The following AOAH variants were observed in gnomAD, a reference collection of about 807,000 sequenced individuals.
The protein encoded by AOAH is acyloxyacyl hydrolase.
In AOAH, 64 loss-of-function variants were observed where a neutral mutation model predicts 92.2. That is an observed-to-expected ratio of 0.69 (90% confidence interval 0.57 to 0.86). The LOEUF is 0.86. Among genes scored for constraint, AOAH ranks in the 40% least tolerant of loss-of-function variants. The probability of loss-of-function intolerance (pLI) is 0.00; values close to 1 mark genes in which losing one functional copy is unlikely to be tolerated. For synonymous variants in AOAH, 263 were observed against 254.5 expected (o/e 1.03, Z -0.32); for missense variants, 656 against 694.6 (o/e 0.94, Z 0.62).
chr7:36,545,375 T>C (rs1304764467), intron 15 of AOAH, among the ~76,000 whole-genome samples: 1 of 152,224 alleles, frequency 6.6e-6, no homozygotes, highest in African/African-American at 2.4e-5. Flanking sequence ...AGAATTCCTC[T>C]GAGCAGCAGG....
chr7:36,518,856 C>G (rs1393073463), intron 20 of AOAH, among the ~76,000 whole-genome samples: 1 of 152,154 alleles, frequency 6.6e-6, no homozygotes, highest in Non-Finnish European at 1.5e-5. Context: ...CTGGGCCATC[C>G]TTACACTGGC....
chr7:36,641,303 G>A (rs963816778), intron 4 of AOAH, among the ~76,000 whole-genome samples: 2 of 152,132 alleles, frequency 1.3e-5, no homozygotes, highest in African/African-American at 4.8e-5. Flanking sequence ...GGATTCACCC[G>A]GGAACTGCCA....
chr7:36,586,509 T>G (rs984186439), intron 12 of AOAH, among the ~76,000 whole-genome samples: 1 of 152,208 alleles, frequency 6.6e-6, no homozygotes, highest in African/African-American at 2.4e-5. Context: ...TTCTTTCTAC[T>G]TTCAGGGTTG....
intron 1 of AOAH, among the ~76,000 whole-genome samples, chr7:36,702,103 T>C (rs1157216474): frequency 1.3e-5 from 2 of 152,276 alleles, no homozygotes; most frequent in East Asian, 3.9e-4. Flanking sequence ...ACATTTTATA[T>C]CTATAAGTGT....
At chr7:36,592,048 A>G (rs980371922) in intron 12 of AOAH, among the ~76,000 whole-genome samples, 8 of 152,162 alleles carry the variant, frequency 5.3e-5, no homozygotes, top group Admixed American at 5.2e-4. Context: ...GGATTTATAG[A>G]GTCAATATGT....
chr7:36,641,649 C>A (rs1793930146), intron 4 of AOAH, among the ~76,000 whole-genome samples: 1 of 152,164 alleles, frequency 6.6e-6, no homozygotes, highest in Non-Finnish European at 1.5e-5. Flanking sequence ...GCCGAGCTTT[C>A]CTTTTCTGTT....
chr7:36,682,058 G>C (rs1051085194), intron 2 of AOAH, among the ~76,000 whole-genome samples: 3 of 152,220 alleles, frequency 2.0e-5, no homozygotes, highest in African/African-American at 7.2e-5. Context: ...AAGCATGGCA[G>C]GCCAATTAGA....
chr7:36,622,294 G>A (rs1583968023), intron 7 of AOAH, among the ~76,000 whole-genome samples: 3 of 152,278 alleles, frequency 2.0e-5, no homozygotes, highest in Admixed American at 1.3e-4. Flanking sequence ...GTCCTCTCTG[G>A]CTGTAAAACA....
At chr7:36,643,416 G>C (rs1277469610) in intron 4 of AOAH, among the ~76,000 whole-genome samples, 2 of 152,192 alleles carry the variant, frequency 1.3e-5, no homozygotes, top group Non-Finnish European at 2.9e-5. Flanking sequence ...GGCTCCCATG[G>C]AGCGAGGATG....
At chr7:36,717,591 G>A in intron 1 of AOAH, among the ~76,000 whole-genome samples, 2 of 152,054 alleles carry the variant, frequency 1.3e-5, no homozygotes, top group South Asian at 4.2e-4. Context: ...CGAGGCACCG[G>A]GAGAGAGAAC....
At chr7:36,677,819 A>C (rs1415711083) in intron 2 of AOAH, among the ~76,000 whole-genome samples, 1 of 152,212 alleles carries the variant, frequency 6.6e-6, no homozygotes, top group Non-Finnish European at 1.5e-5. Context: ...AATCTCTAAA[A>C]CACTATGCTA....
chr7:36,569,470 A>AATCT (rs10581908), intron 13 of AOAH, among the ~76,000 whole-genome samples: 30,521 of 147,894 alleles, frequency 0.21, 3,249 homozygotes, highest in East Asian at 0.29. Flanking sequence ...TACTTAAAAA[A>AATCT]ATCTATCTAT....
intron 4 of AOAH, among the ~76,000 whole-genome samples, chr7:36,638,315 A>C (rs1466863152): frequency 6.6e-6 from 1 of 152,204 alleles, no homozygotes; most frequent in Non-Finnish European, 1.5e-5. Context: ...AAAACCCCCC[A>C]GCAGGAGGCT....
At position 36,669,304 on chromosome 7, in the gene AOAH, T is replaced by A. The variant is rs559861089; in HGVS notation, c.290+4639A>T. ...TGTTTCTAGGTCACATCCTTTATAG[T>A]GTACTAGAATTTAATTATTTCTATA... On this transcript the variant is annotated intron_variant, in intron 3 of 20. Coordinates refer to ENST00000617537, the MANE Select transcript of AOAH (RefSeq NM_001637.4). Among the ~76,000 whole-genome samples, 7 of 152,232 alleles carry A rather than the reference T, an allele frequency of 4.6e-5. No individual in the cohort carries two copies. In the South Asian group the frequency reaches 1.2e-3, roughly 27 times the overall value.
rs1420284106 is a variant in AOAH, at chr7:36,514,618, T to C, written c.1600-1238A>G. The C allele has an allele frequency of 4.0e-6, 6 of 1,500,434 alleles. No individual in the cohort carries two copies. In the Admixed American group the frequency reaches 5.9e-5, roughly 15 times the overall value. The allele number at this position is 1,500,434 out of a possible 1,614,324, so 92.9% of individuals were successfully genotyped here. ...GCAAACAATGCCCTCATTTAGCAAA[T>C]GGGACCTGGCCAGGCCTGCAGACTC... On this transcript the variant is annotated intron_variant, in intron 20 of 20. Coordinates refer to ENST00000617537, the MANE Select transcript of AOAH (RefSeq NM_001637.4).
intron 20 of AOAH, among the ~76,000 whole-genome samples, chr7:36,520,156 A>C (rs931286815): frequency 1.3e-5 from 2 of 152,206 alleles, no homozygotes; most frequent in African/African-American, 4.8e-5. Flanking sequence ...GAAACTGTTT[A>C]AGTACAAGAT....
At chr7:36,663,198 A>G (rs1434528128) in intron 3 of AOAH, among the ~76,000 whole-genome samples, 2 of 152,166 alleles carry the variant, frequency 1.3e-5, no homozygotes, top group Non-Finnish European at 2.9e-5. Context: ...TGAAATTGAG[A>G]GGAAAATACA....
intron 4 of AOAH, among the ~76,000 whole-genome samples, chr7:36,643,432 A>G (rs746935377): frequency 2.0e-5 from 3 of 152,214 alleles, no homozygotes; most frequent in African/African-American, 4.8e-5. Flanking sequence ...GGATGGTTTA[A>G]TGCAAAAGGT....
At chr7:36,592,217 T>C (rs1264529350) in intron 12 of AOAH, among the ~76,000 whole-genome samples, 1 of 152,196 alleles carries the variant, frequency 6.6e-6, no homozygotes, top group East Asian at 1.9e-4. Context: ...TAAACATATA[T>C]ATTTTTTTAT....
Sources: allele counts gnomAD v4.1 joint callset (sites outside exome capture counted in the v4.1 genomes callset), GRCh38; gene constraint gnomAD v4.1.1; transcripts MANE v1.5; gene names NCBI Gene and HGNC (gene_info 2026-07-23, HGNC 2026-07-21).